MAPKBP1: variants seen among roughly 807,000 people sequenced by gnomAD.
The protein encoded by MAPKBP1 is mitogen-activated protein kinase-binding protein 1.
Under a neutral mutation model 170.5 loss-of-function variants are expected in MAPKBP1, and 71 were observed. The observed-to-expected ratio is 0.42, with a 90% confidence interval of 0.34 to 0.51. The LOEUF (loss-of-function observed/expected upper bound fraction) is 0.51, where lower values mean the gene tolerates loss of function less well. Among genes scored for constraint, MAPKBP1 ranks in the 20% least tolerant of loss-of-function variants. The pLI is 0.06. For synonymous variants in MAPKBP1, 719 were observed against 757.9 expected (o/e 0.95, Z 0.84); for missense variants, 1,598 against 1,933.0 (o/e 0.83, Z 3.25).
intron 3 of MAPKBP1, among the ~76,000 whole-genome samples, chr15:41,810,535 C>T (rs1395596250): frequency 1.8e-5 from 2 of 111,298 alleles, no homozygotes; most frequent in African/African-American, 6.8e-5. Flanking sequence ...GGCAAGATCC[C>T]GTGTCTACAA....
At chr15:41,778,479 C>T (rs932566381) in intron 2 of MAPKBP1, among the ~76,000 whole-genome samples, 1 of 152,186 alleles carries the variant, frequency 6.6e-6, no homozygotes, top group Non-Finnish European at 1.5e-5. Context: ...ATTTAAGTTA[C>T]ATCAAAGAGT....
chr15:41,801,684 C>A (rs1382515728), intron 3 of MAPKBP1, among the ~76,000 whole-genome samples: 3 of 152,100 alleles, frequency 2.0e-5, no homozygotes, highest in Non-Finnish European at 4.4e-5. Context: ...CCTGTCTCTA[C>A]TAAAAACATA....
Position 41,827,849 on chromosome 15 carries a change from T to C in MAPKBP1, c.*2413T>C. On this transcript the variant is annotated 3_prime_UTR_variant, in exon 31 of 31. Transcript: ENST00000457542. ...TGAACTTGTCAATAAACACAATTGT[T>C]TGTTAACCCTGGGATGCCGGCCAGT... 1 of 421,852 alleles carries C rather than the reference T, an allele frequency of 2.4e-6. No individual in the cohort carries two copies. The highest frequency in any genetic ancestry group is 4.2e-6 in the Non-Finnish European group (1 of 239,128). The allele number at this position is 421,852 out of a possible 1,614,324, so 26.1% of individuals were successfully genotyped here.
intron 7 of MAPKBP1, 128 bp downstream of exon 7, chr15:41,812,781 G>A: frequency 1.4e-6 from 2 of 1,448,830 alleles, no homozygotes; most frequent in South Asian, 1.4e-5. Flanking sequence ...TTTTGGATGA[G>A]CCAGATGCTG....
intron 30 of MAPKBP1, 24 bp downstream of exon 30, chr15:41,824,593 A>T (rs753425736): frequency 1.3e-6 from 2 of 1,570,284 alleles, no homozygotes; most frequent in African/African-American, 2.7e-5. Context: ...GCCCCCCGGC[A>T]GGAAGGCGGG....
At position 41,818,960 on chromosome 15, in the gene MAPKBP1, G is replaced by T. The variant is rs1214222293; in HGVS notation, c.2291+3G>T. 6.2e-7 allele frequency: 1 copy of T among 1,613,822 alleles called. No individual in the cohort carries two copies. Among genetic ancestry groups the T allele is most frequent in the Non-Finnish European group, 8.5e-7 (1 of 1,179,946 alleles). On this transcript the variant is annotated splice_donor_region_variant and intron_variant, in intron 20 of 30. Transcript: ENST00000457542. The surrounding 1 kb of genome is among the most constrained non-coding windows in gnomAD (Gnocchi z 5.2). ...CAAAGGGCTTCTGGACCCAACCGGT[G>T]AGAACAGAATGTGGGCAAGTGATGG...
rs534884659 is a variant in MAPKBP1, at chr15:41,826,628, T to G, written c.*1192T>G. The G allele has an allele frequency of 1.3e-5, 2 of 148,646 alleles. No individual in the cohort carries two copies. The highest frequency in any genetic ancestry group is 2.2e-4 in the South Asian group (1 of 4,602). 9.2% of individuals were successfully genotyped at this position (148,646 alleles called of 1,614,324 possible). On this transcript the variant is annotated 3_prime_UTR_variant, in exon 31 of 31. Transcript: ENST00000457542. ...ACGAGATAGCCCATAGGACACCTGG[T>G]TTAGGTAGAAGGAGCCTCCTCAAAG...
rs1275754161 is a variant in MAPKBP1 at position 41,822,586 on chromosome 15, T to C, written c.3230-7T>C. 1 of 1,613,664 alleles carries C rather than the reference T, an allele frequency of 6.2e-7. No individual in the cohort carries two copies. Among genetic ancestry groups the C allele is most frequent in the Admixed American group, 1.7e-5 (1 of 59,980 alleles). ...GCCCCAATTCATGATTTCTCTGACC[T>C]TGGTAGGGGCCCCAGTGCAGGTCCC... On this transcript the variant is annotated splice_polypyrimidine_tract_variant and splice_region_variant and intron_variant, in intron 26 of 30. Coordinates refer to ENST00000457542, the MANE Select transcript of MAPKBP1 (RefSeq NM_014994.3).
rs115838383 is a variant in MAPKBP1 at position 41,823,064 on chromosome 15, C to T, written c.3440C>T (p.Pro1147Leu). 153 of 1,613,724 alleles carry T rather than the reference C, an allele frequency of 9.5e-5. No homozygotes were observed. In the African/African-American group the frequency reaches 1.5e-3, roughly 15 times the overall value. ...NPPGAPPEVEPSSGNPSPQQA... is the reference protein window; with the variant it reads ...NPPGAPPEVELSSGNPSPQQA... ...CCTGGAGCACCCCCGGAGGTGGAAC[C>T]GTCCTCTGGCAACCCCAGCCCCCAG... Residue 1147 changes from proline to leucine, a missense_variant, in exon 28 of 31, where the codon CCG (proline) becomes CTG (leucine). Pro to Leu is a moderately conservative substitution (Grantham distance 98, BLOSUM62 -3). Transcript: ENST00000457542.
chr15:41,813,529 C>G, intron 8 of MAPKBP1, 92 bp from the exon 9 acceptor site: 1 of 1,537,146 alleles, frequency 6.5e-7, no homozygotes, highest in Non-Finnish European at 8.9e-7. Flanking sequence ...CTTGGCCGGT[C>G]CCTCCTCTTG....
intron 2 of MAPKBP1, among the ~76,000 whole-genome samples, chr15:41,784,311 A>G (rs574777456): frequency 2.0e-5 from 3 of 152,264 alleles, no homozygotes; most frequent in Admixed American, 2.0e-4. Flanking sequence ...CTGCCTCATG[A>G]CAAACCTAGA....
rs1337642105 is a variant in MAPKBP1 at position 41,826,868 on chromosome 15, AGAGTT to A, written c.*1436_*1440del. The stretch of plus-strand genomic sequence containing the variant: ...TGGGACCATGTCGTGAGGCAGTTGA[AGAGTT>A]GAGGAAAGGTTTTTCTGGGCCCTAC... On this transcript the variant is annotated 3_prime_UTR_variant, in exon 31 of 31. Coordinates refer to ENST00000457542, the MANE Select transcript of MAPKBP1 (RefSeq NM_014994.3). 2.0e-5 allele frequency: 3 copies of A among 152,226 alleles called. No individual in the cohort carries two copies. Among genetic ancestry groups the A allele is most frequent in the Non-Finnish European group, 1.5e-5 (1 of 68,076 alleles). 9.4% of individuals were successfully genotyped at this position (152,226 alleles called of 1,614,324 possible). A position where few individuals can be genotyped will look rare whatever the true frequency, so the allele number is the denominator to read the frequency against.
chr15:41,817,545 G>T lies in MAPKBP1; in HGVS notation c.1783-69G>T. The T allele has an allele frequency of 6.2e-7, 1 of 1,613,274 alleles. No individual in the cohort carries two copies. The highest frequency in any genetic ancestry group is 8.5e-7 in the Non-Finnish European group (1 of 1,179,394). On this transcript the variant is annotated intron_variant, in intron 15 of 30. Coordinates refer to ENST00000457542, the MANE Select transcript of MAPKBP1 (RefSeq NM_014994.3). This position sits in a 1 kb window ranked among gnomAD's most constrained non-coding sequence, Gnocchi z 4.2. ...AAGGTTACAAGAGGTGAAGGGAGGC[G>T]CAAGTAGGGCTCTTGGGGCCTGGTG...
rs73408963 is a variant in MAPKBP1, at chr15:41,825,475, G to C, written c.*39G>C. On this transcript the variant is annotated 3_prime_UTR_variant, in exon 31 of 31. Coordinates refer to ENST00000457542, the MANE Select transcript of MAPKBP1 (RefSeq NM_014994.3). The stretch of plus-strand genomic sequence containing the variant: ...GTCCCAAGTGAATGAATGCTCCAGC[G>C]ATTCCAAACTGCAGCCCCTCTGCCC... 6.6e-7 allele frequency: 1 copy of C among 1,518,290 alleles called. No homozygotes were observed. The highest frequency in any genetic ancestry group is 8.9e-7 in the Non-Finnish European group (1 of 1,119,384). The allele number at this position is 1,518,290 out of a possible 1,614,324, so 94.1% of individuals were successfully genotyped here.
At position 41,815,776 on chromosome 15, in the gene MAPKBP1, A is replaced by G. The variant is rs781293120; in HGVS notation, c.1470A>G (p.Ser490=). ...GCCCCAATGGACAGCATCTAGCATC[A>G]GGGGACCGTATGGGCACACTTAGGT... ...CVSPNGQHLA[S]GDRMGTLRVH... The change falls in exon 12 of 31, where the codon TCA becomes TCG. Residue 490 remains serine, a synonymous_variant. Transcript: ENST00000457542. 1 of 1,613,990 alleles carries G rather than the reference A, an allele frequency of 6.2e-7. No individual in the cohort carries two copies. Among genetic ancestry groups the G allele is most frequent in the African/African-American group, 1.3e-5 (1 of 74,918 alleles).
chr15:41,811,340 A>G, intron 5 of MAPKBP1, 105 bp downstream of exon 5: 1 of 1,270,538 alleles, frequency 7.9e-7, no homozygotes, highest in African/African-American at 1.5e-5. Flanking sequence ...TCTGAAACAG[A>G]CACCAAATCC....
chr15:41,786,658 A>G (rs931511629), intron 2 of MAPKBP1, among the ~76,000 whole-genome samples: 9 of 149,438 alleles, frequency 6.0e-5, no homozygotes, highest in Non-Finnish European at 7.4e-5. Flanking sequence ...CCAGCTACTC[A>G]GGAGGCTGAG....
intron 20 of MAPKBP1, 120 bp downstream of exon 20, chr15:41,819,077 T>A (rs1308364559): frequency 9.3e-6 from 14 of 1,497,416 alleles, no homozygotes; most frequent in African/African-American, 1.4e-5. Context: ...AGACCTTACC[T>A]CTCACACAAG....
chr15:41,817,706 G>C lies in MAPKBP1; in HGVS notation c.1875G>C (p.Thr625=), dbSNP rs775194658. The C allele has an allele frequency of 6.2e-7, 1 of 1,614,106 alleles. No individual in the cohort carries two copies. The highest frequency in any genetic ancestry group is 8.5e-7 in the Non-Finnish European group (1 of 1,179,984). ...ATGTGGAGCCCAGCTGGAAGTACAC[G>C]GCTATCGGCTGCCAGGACCGAAATA... ...DMDVEPSWKY[T]AIGCQDRNIR... is the part of the protein sequence containing the mutation. The change falls in exon 16 of 31, where the codon ACG becomes ACC. Residue 625 remains threonine, a synonymous_variant. Coordinates refer to ENST00000457542, the MANE Select transcript of MAPKBP1 (RefSeq NM_014994.3). This position sits in a 1 kb window ranked among gnomAD's most constrained non-coding sequence, Gnocchi z 4.2.
Sources: gnomAD v4.1 joint callset for allele counts (sites outside exome capture counted in the v4.1 genomes callset) on GRCh38, gnomAD v4.1.1 for gene constraint, Gnocchi (gnomAD v3.1) non-coding constraint, MANE v1.5 for transcripts, NCBI Gene and HGNC (gene_info 2026-07-23, HGNC 2026-07-21) for gene names.